Variants in ACOXL observed in about 807,000 individuals in gnomAD.
The protein encoded by ACOXL is acyl-coenzyme A oxidase-like protein.
In ACOXL, 70 loss-of-function variants were observed where a neutral mutation model predicts 71.9. That is an observed-to-expected ratio of 0.97 (90% confidence interval 0.80 to 1.19). The LOEUF (loss-of-function observed/expected upper bound fraction) is 1.19. Ranked by LOEUF, ACOXL falls within the 50% of genes most tolerant of loss-of-function variation. The probability of loss-of-function intolerance (pLI) is 0.00; values close to 1 mark genes in which losing one functional copy is unlikely to be tolerated. For missense variants in ACOXL, 703 were observed against 736.3 expected (o/e 0.95, Z 0.52); for synonymous variants, 253 against 281.6 (o/e 0.90, Z 1.02).
intron 14 of ACOXL, among the ~76,000 whole-genome samples, chr2:111,021,882 A>C (rs1224134083): frequency 1.3e-5 from 2 of 152,202 alleles, no homozygotes; most frequent in South Asian, 4.1e-4. Flanking sequence ...AAAAAGAAAA[A>C]ACTTGGAAGG....
At chr2:111,059,360 G>A (rs1441568418) in intron 16 of ACOXL, among the ~76,000 whole-genome samples, 1 of 152,222 alleles carries the variant, frequency 6.6e-6, no homozygotes, top group Non-Finnish European at 1.5e-5. Flanking sequence ...ATTGATTAAT[G>A]TGTTACATTT....
intron 10 of ACOXL, among the ~76,000 whole-genome samples, chr2:110,861,093 C>T (rs939123808): frequency 1.3e-5 from 2 of 152,190 alleles, no homozygotes; most frequent in African/African-American, 4.8e-5. Flanking sequence ...GAGATCATGC[C>T]ACTGCACTCC....
At chr2:111,015,630 G>T (rs1388396539) in intron 14 of ACOXL, among the ~76,000 whole-genome samples, 1 of 152,070 alleles carries the variant, frequency 6.6e-6, no homozygotes, top group Non-Finnish European at 1.5e-5. Context: ...TTGGCCAAGA[G>T]AAATTAAAAT....
At chr2:110,979,184 G>A (rs1319368280) in intron 12 of ACOXL, among the ~76,000 whole-genome samples, 1 of 152,150 alleles carries the variant, frequency 6.6e-6, no homozygotes, top group Non-Finnish European at 1.5e-5. Context: ...TTAGCAGTCA[G>A]GACACATTTG....
At chr2:110,853,166 A>G (rs933073024) in intron 10 of ACOXL, among the ~76,000 whole-genome samples, 13 of 152,020 alleles carry the variant, frequency 8.6e-5, no homozygotes, top group African/African-American at 3.1e-4. Flanking sequence ...GTTCTAAACT[A>G]TGGTGATTTT....
chr2:110,803,551 C>G (rs1311407276), intron 8 of ACOXL, among the ~76,000 whole-genome samples: 2 of 152,138 alleles, frequency 1.3e-5, no homozygotes, highest in African/African-American at 4.8e-5. Flanking sequence ...AATGTAAGAG[C>G]TAAAACTACA....
At chr2:110,798,185 T>G (rs1028720693) in intron 5 of ACOXL, among the ~76,000 whole-genome samples, 22 of 152,022 alleles carry the variant, frequency 1.4e-4, no homozygotes, top group Admixed American at 1.2e-3. Flanking sequence ...TCCCATTGTC[T>G]TCTCTTCTGC....
chr2:110,861,218 A>G (rs1693918724), intron 10 of ACOXL, among the ~76,000 whole-genome samples: 1 of 152,090 alleles, frequency 6.6e-6, no homozygotes, highest in Non-Finnish European at 1.5e-5. Context: ...CAGTTTCCAC[A>G]CTCATCAGGC....
intron 11 of ACOXL, among the ~76,000 whole-genome samples, chr2:110,929,704 G>C (rs2060410224): frequency 6.6e-6 from 1 of 152,222 alleles, no homozygotes; most frequent in African/African-American, 2.4e-5. Context: ...GCCAGGCCCA[G>C]GGTCTTCCTG....
chr2:111,037,296 A>C (rs1170728339), intron 15 of ACOXL, among the ~76,000 whole-genome samples: 4 of 152,190 alleles, frequency 2.6e-5, no homozygotes, highest in Non-Finnish European at 5.9e-5. Flanking sequence ...TCCCTGAAGA[A>C]AGCTGTCTTT....
chr2:110,853,537 C>G (rs929262174), intron 10 of ACOXL, among the ~76,000 whole-genome samples: 23 of 152,050 alleles, frequency 1.5e-4, no homozygotes, highest in African/African-American at 5.3e-4. Flanking sequence ...AATTTTTGTT[C>G]TATTTGTTTG....
intron 1 of ACOXL, among the ~76,000 whole-genome samples, chr2:110,737,699 G>T (rs570697824): frequency 6.6e-6 from 1 of 152,302 alleles, no homozygotes; most frequent in South Asian, 2.1e-4. Flanking sequence ...AACCTGTCAG[G>T]TAATTGGCAG....
chr2:111,112,812 G>C (rs570398457), intron 17 of ACOXL: 1 of 152,370 alleles, frequency 6.6e-6, no homozygotes, highest in Admixed American at 6.5e-5. Context: ...ATTTACTGAA[G>C]GAGAATCTGC....
intron 16 of ACOXL, among the ~76,000 whole-genome samples, chr2:111,072,533 T>C (rs1198049106): frequency 6.6e-6 from 1 of 152,208 alleles, no homozygotes; most frequent in Non-Finnish European, 1.5e-5. Flanking sequence ...CAATTGTGAG[T>C]AGAGCTGCTA....
Position 110,875,487 on chromosome 2 carries a change from C to T in ACOXL, c.789-33302C>T, listed in dbSNP as rs897093082. ...TGGAGCGTGGAGCCCCAGAAGTCAC[C>T]GACCCAGCAGACAGGCTCAGGCTGT... On this transcript the variant is annotated intron_variant, in intron 10 of 17. Transcript: ENST00000439055. Among the ~76,000 whole-genome samples the T allele has an allele frequency of 3.9e-5, 6 of 152,108 alleles. No homozygotes were observed. The South Asian group carries it at 1.0e-3, about 26-fold the overall frequency.
intron 9 of ACOXL, among the ~76,000 whole-genome samples, chr2:110,832,335 G>A (rs1330152718): frequency 6.6e-6 from 1 of 151,836 alleles, no homozygotes; most frequent in Non-Finnish European, 1.5e-5. Flanking sequence ...TCAGGAGATC[G>A]AGACCATCCT....
intron 9 of ACOXL, among the ~76,000 whole-genome samples, chr2:110,824,333 G>A (rs1269702623): frequency 1.3e-5 from 2 of 152,048 alleles, no homozygotes; most frequent in Non-Finnish European, 2.9e-5. Context: ...GGCTTTTCTA[G>A]GTCTTTTGCA....
At chr2:111,093,858 C>T (rs149944427) in intron 17 of ACOXL, 153 of 209,826 alleles carry the variant, frequency 7.3e-4, no homozygotes, top group African/African-American at 3.3e-3. Flanking sequence ...AGTGAGACTC[C>T]ATCTCAAAAC....
chr2:110,890,213 A>G (rs1697782677), intron 10 of ACOXL, among the ~76,000 whole-genome samples: 1 of 152,202 alleles, frequency 6.6e-6, no homozygotes. Flanking sequence ...TCATTCCATG[A>G]TGAGAGATAT....
Sources: gnomAD v4.1 joint callset for allele counts (sites outside exome capture counted in the v4.1 genomes callset) on GRCh38, gnomAD v4.1.1 for gene constraint, MANE v1.5 for transcripts, NCBI Gene and HGNC (gene_info 2026-07-23, HGNC 2026-07-21) for gene names.